The following HHAT variants were observed in gnomAD, a reference collection of about 807,000 sequenced individuals.
HHAT encodes the protein hedgehog acyltransferase.
A neutral mutation model predicts 70.8 loss-of-function variants in HHAT; 47 were observed. The observed-to-expected ratio is 0.66, with a 90% confidence interval of 0.53 to 0.85. The LOEUF (loss-of-function observed/expected upper bound fraction) is 0.85. Among genes scored for constraint, HHAT ranks in the 40% least tolerant of loss-of-function variants. HHAT has a pLI of 0.00. For synonymous variants in HHAT, 228 were observed against 247.6 expected, an observed-to-expected ratio of 0.92 and a Z score of 0.74; for missense variants, 609 against 604.8, an observed-to-expected ratio of 1.01 and a Z score of -0.07.
chr1:210,512,758 T>A (rs998413978), intron 8 of HHAT, among the ~76,000 whole-genome samples: 1 of 151,812 alleles, frequency 6.6e-6, no homozygotes, highest in African/African-American at 2.4e-5. Context: ...ACACGAATAT[T>A]ACAAACGGAC....
chr1:210,424,669 A>G (rs1376001548), intron 7 of HHAT, among the ~76,000 whole-genome samples: 1 of 152,012 alleles, frequency 6.6e-6, no homozygotes, highest in East Asian at 1.9e-4. Context: ...GTCCCTGCAA[A>G]GGACATGATA....
chr1:210,364,816 G>A (rs1359188970), intron 3 of HHAT, among the ~76,000 whole-genome samples: 2 of 152,222 alleles, frequency 1.3e-5, no homozygotes, highest in Non-Finnish European at 2.9e-5. Flanking sequence ...GGTCGGGAGT[G>A]TTGTTGCTCA....
At chr1:210,588,120 T>G (rs779857588) in intron 10 of HHAT, 21 bp downstream of exon 10, 1 of 1,555,800 alleles carries the variant, frequency 6.4e-7, no homozygotes, top group Non-Finnish European at 8.7e-7. Context: ...TCCTTGCTGC[T>G]GTGTTAGGGG....
At chr1:210,633,771 G>A (rs1233533307) in intron 11 of HHAT, among the ~76,000 whole-genome samples, 1 of 152,174 alleles carries the variant, frequency 6.6e-6, no homozygotes. Flanking sequence ...TACTCCACTT[G>A]AGAGCCACCC....
At chr1:210,565,247 A>G (rs533056704) in intron 9 of HHAT, among the ~76,000 whole-genome samples, 1 of 152,208 alleles carries the variant, frequency 6.6e-6, no homozygotes, top group African/African-American at 2.4e-5. Flanking sequence ...GAGGGTGCTC[A>G]TATGATGGTC....
intron 11 of HHAT, among the ~76,000 whole-genome samples, chr1:210,645,467 A>G (rs1404746834): frequency 6.6e-6 from 1 of 152,144 alleles, no homozygotes; most frequent in Non-Finnish European, 1.5e-5. Context: ...TTTAGTAGAG[A>G]TGGGGTTTCA....
At chr1:210,597,323 A>C (rs75349443) in intron 10 of HHAT, among the ~76,000 whole-genome samples, 1,638 of 152,218 alleles carry the variant, frequency 0.011, 29 homozygotes, top group African/African-American at 0.036. Context: ...TACAATAACT[A>C]CTGCCTGGCT....
chr1:210,518,528 C>T lies in HHAT; in HGVS notation c.1043+5340C>T, dbSNP rs181848116. Reference sequence around the variant, plus strand: ...TTATTTGGCCCCAGGCACGGTGGCTCGCACCTGTAATCCCAGCACTTTGGG... The same window carrying T: ...TTATTTGGCCCCAGGCACGGTGGCTTGCACCTGTAATCCCAGCACTTTGGG... On this transcript the variant is annotated intron_variant, in intron 9 of 11. Coordinates refer to ENST00000261458, the MANE Select transcript of HHAT (RefSeq NM_018194.6). 4.6e-5 allele frequency among the ~76,000 whole-genome samples: 7 copies of T among 152,202 alleles called. No homozygotes were observed. The East Asian group carries it at 1.2e-3, about 25-fold the overall frequency.
At chr1:210,348,346 C>T (rs1315185216) in intron 1 of HHAT, among the ~76,000 whole-genome samples, 2 of 152,178 alleles carry the variant, frequency 1.3e-5, no homozygotes, top group African/African-American at 4.8e-5. Flanking sequence ...AGTGATCCTC[C>T]CATCTTGGCC....
intron 8 of HHAT, among the ~76,000 whole-genome samples, chr1:210,496,999 G>A (rs1183023628): frequency 6.6e-6 from 1 of 152,130 alleles, no homozygotes. Flanking sequence ...TGTGTGGCTT[G>A]TTTCTTACAG....
At chr1:210,549,389 T>C (rs2095510267) in intron 9 of HHAT, among the ~76,000 whole-genome samples, 1 of 148,470 alleles carries the variant, frequency 6.7e-6, no homozygotes, top group African/African-American at 2.5e-5. Context: ...TGTGGTATTG[T>C]GGGGAGGTTT....
In HHAT at chr1:210,531,790, A is replaced by G. The variant is rs184108802; in HGVS notation, c.1043+18602A>G. ...TACATATTTGTGGAATTTGAATCTG[A>G]TAAGAAATATCGACATAACTGTAAC... On this transcript the variant is annotated intron_variant, in intron 9 of 11. Coordinates refer to ENST00000261458, the MANE Select transcript of HHAT (RefSeq NM_018194.6). 1.8e-4 allele frequency among the ~76,000 whole-genome samples: 28 copies of G among 152,352 alleles called. No homozygotes were observed. In the East Asian group the frequency reaches 5.2e-3, roughly 28 times the overall value.
At chr1:210,556,535 C>T (rs1240049454) in intron 9 of HHAT, among the ~76,000 whole-genome samples, 1 of 152,216 alleles carries the variant, frequency 6.6e-6, no homozygotes, top group African/African-American at 2.4e-5. Context: ...GCCTCCTTTC[C>T]TCTCATCGCC....
intron 4 of HHAT, among the ~76,000 whole-genome samples, chr1:210,389,931 G>A (rs57296511): frequency 0.019 from 2,895 of 152,244 alleles, 87 homozygotes; most frequent in African/African-American, 0.067. Flanking sequence ...TCAAACCACA[G>A]CGGTTGTCCT....
chr1:210,366,990 T>C (rs1002804020), intron 3 of HHAT, among the ~76,000 whole-genome samples: 2 of 152,194 alleles, frequency 1.3e-5, no homozygotes, highest in Non-Finnish European at 2.9e-5. Flanking sequence ...AGTGTCTCTG[T>C]GCTCAAGTCC....
intron 11 of HHAT, chr1:210,631,039 C>G (rs908799362): frequency 4.4e-6 from 2 of 456,474 alleles, no homozygotes; most frequent in African/African-American, 4.0e-5. Flanking sequence ...TGTTGGGAGA[C>G]AGCATTCCAG....
At chr1:210,368,094 A>G (rs1373114904) in intron 3 of HHAT, among the ~76,000 whole-genome samples, 8 of 152,128 alleles carry the variant, frequency 5.3e-5, no homozygotes. Context: ...TGCGTGCTCG[A>G]TGAAGTAAAC....
At chr1:210,599,943 C>G (rs564833789) in intron 10 of HHAT, among the ~76,000 whole-genome samples, 1 of 152,248 alleles carries the variant, frequency 6.6e-6, no homozygotes, top group African/African-American at 2.4e-5. Context: ...CTGTTCATTA[C>G]ATACCTGATC....
intron 9 of HHAT, among the ~76,000 whole-genome samples, chr1:210,521,664 C>A (rs946245686): frequency 6.6e-6 from 1 of 152,074 alleles, no homozygotes. Flanking sequence ...CTGAAATGTT[C>A]AAAAAATCTG....
Sources: gnomAD v4.1 joint callset for allele counts (sites outside exome capture counted in the v4.1 genomes callset) on GRCh38, gnomAD v4.1.1 for gene constraint, MANE v1.5 for transcripts, NCBI Gene and HGNC (gene_info 2026-07-23, HGNC 2026-07-21) for gene names.